The following ZNF148 variants were observed in gnomAD, a reference collection of about 807,000 sequenced individuals.
ZNF148 encodes zinc finger protein 148.
ZNF148 carries 7 observed loss-of-function variants against 67.7 expected under a neutral mutation model. That is an observed-to-expected ratio of 0.10 (90% CI 0.06 to 0.19). ZNF148 has a LOEUF of 0.19. ZNF148 is among the 10% of genes least tolerant of loss of function. The probability of loss-of-function intolerance (pLI) is 1.00; values close to 1 mark genes in which losing one functional copy is unlikely to be tolerated. For synonymous variants in ZNF148, 333 were observed against 330.7 expected (o/e 1.01, Z -0.08); for missense variants, 583 against 947.1 (o/e 0.62, Z 5.05).
intron 7 of ZNF148, among the ~76,000 whole-genome samples, chr3:125,259,534 C>T (rs1230174083): frequency 6.6e-6 from 1 of 152,088 alleles, no homozygotes; most frequent in East Asian, 1.9e-4. Flanking sequence ...CACAATAAAG[C>T]AAGTCACACA....
At chr3:125,287,063 A>C (rs1180166318) in intron 5 of ZNF148, among the ~76,000 whole-genome samples, 1 of 152,212 alleles carries the variant, frequency 6.6e-6, no homozygotes, top group Non-Finnish European at 1.5e-5. Flanking sequence ...TTTGCAAATG[A>C]AATCTTGCAA....
chr3:125,317,767 A>G (rs1018805689), intron 3 of ZNF148, among the ~76,000 whole-genome samples: 7 of 150,392 alleles, frequency 4.7e-5, no homozygotes, highest in African/African-American at 1.7e-4. Flanking sequence ...ATGAAATAAG[A>G]AAGGATCTTC....
chr3:125,261,796 A>T (rs1937351843), intron 7 of ZNF148, among the ~76,000 whole-genome samples: 1 of 149,552 alleles, frequency 6.7e-6, no homozygotes, highest in African/African-American at 2.5e-5. Flanking sequence ...AGGGTGGGGC[A>T]TTCAAAATAA....
intron 2 of ZNF148, among the ~76,000 whole-genome samples, chr3:125,327,056 G>A (rs987050357): frequency 2.0e-5 from 3 of 151,604 alleles, no homozygotes; most frequent in African/African-American, 7.3e-5. Flanking sequence ...AAAGTAAAAG[G>A]ATGGGAAAAA....
Position 125,232,351 on chromosome 3 carries a change from G to A in ZNF148, c.2375C>T (p.Thr792Ile). 1 of 1,571,884 alleles carries A rather than the reference G, an allele frequency of 6.4e-7. No homozygotes were observed. Residue 792 changes from threonine (T) to isoleucine (I), a missense_variant, in exon 9 of 9, where the codon ACT becomes ATT. Thr to Ile is a moderately conservative substitution (Grantham distance 89). Transcript: ENST00000360647. This position sits in a 1 kb window ranked among gnomAD's most constrained non-coding sequence, Gnocchi z 4.2. ...TSSPDATTGQ[T>I]FG is the part of the protein sequence containing the mutation. The stretch of plus-strand genomic sequence containing the variant: ...ACTTTTTTTTTTTTTTTAGCCAAAA[G>A]TCTGGCCAGTTGTGGCATCAGGTGA...
chr3:125,291,277 T>C (rs538285009), intron 4 of ZNF148, among the ~76,000 whole-genome samples: 3 of 152,298 alleles, frequency 2.0e-5, no homozygotes, highest in Admixed American at 6.5e-5. Flanking sequence ...AATAAATGAA[T>C]ATAAAACTAT....
At chr3:125,374,737 G>C (rs1943006895) in intron 1 of ZNF148, among the ~76,000 whole-genome samples, 1 of 151,888 alleles carries the variant, frequency 6.6e-6, no homozygotes, top group Non-Finnish European at 1.5e-5. Flanking sequence ...ACAGAGCCCT[G>C]GTGTCTCCCT....
At chr3:125,356,580 G>A (rs1463712397) in intron 1 of ZNF148, among the ~76,000 whole-genome samples, 1 of 152,116 alleles carries the variant, frequency 6.6e-6, no homozygotes, top group Non-Finnish European at 1.5e-5. Flanking sequence ...AAACTGAGTG[G>A]TGCCTTTACC....
chr3:125,242,702 T>C (rs757001349), intron 7 of ZNF148, among the ~76,000 whole-genome samples: 1 of 152,198 alleles, frequency 6.6e-6, no homozygotes, highest in Non-Finnish European at 1.5e-5. Context: ...TGAGGCAGAA[T>C]GTGAGGTATG....
chr3:125,294,385 G>A (rs1482559637), intron 4 of ZNF148, among the ~76,000 whole-genome samples: 1 of 152,090 alleles, frequency 6.6e-6, no homozygotes, highest in Non-Finnish European at 1.5e-5. Flanking sequence ...TTAAATTCTT[G>A]GTCTTGACAA....
At chr3:125,272,789 G>A (rs1459383956) in intron 7 of ZNF148, among the ~76,000 whole-genome samples, 4 of 151,986 alleles carry the variant, frequency 2.6e-5, no homozygotes, top group Non-Finnish European at 5.9e-5. Context: ...CAGCTTTGCA[G>A]ATAAAAAAAA....
chr3:125,317,423 A>T (rs1940553290), intron 3 of ZNF148, among the ~76,000 whole-genome samples: 6 of 152,114 alleles, frequency 3.9e-5, no homozygotes, highest in Admixed American at 2.6e-4. Flanking sequence ...TTCACCAAAG[A>T]AGTAAGTATA....
At chr3:125,371,385 G>T (rs907439596) in intron 1 of ZNF148, among the ~76,000 whole-genome samples, 12 of 109,006 alleles carry the variant, frequency 1.1e-4, no homozygotes, top group Non-Finnish European at 1.9e-4. Flanking sequence ...GGGGGGGGGG[G>T]GCAGGGCGAA....
intron 7 of ZNF148, among the ~76,000 whole-genome samples, chr3:125,256,343 G>C (rs1233794488): frequency 6.8e-6 from 1 of 146,058 alleles, no homozygotes; most frequent in Non-Finnish European, 1.5e-5. Context: ...AGTCTGGCCT[G>C]GGTCAAAGAG....
rs531443213 is a variant in ZNF148, at chr3:125,352,603, T to C, written c.-233-21365A>G. On this transcript the variant is annotated intron_variant, in intron 1 of 8. Transcript: ENST00000360647. ...GGCTGGAATTTGCTTCAAAATAACA[T>C]GGAAGATCTAAGTAAACGGAGAAAT... Among the ~76,000 whole-genome samples the C allele has an allele frequency of 3.6e-4, 53 of 147,872 alleles. 1 individual carries two copies. Among genetic ancestry groups the C allele is most frequent in the African/African-American group, 1.3e-3 (50 of 39,920 alleles).
chr3:125,253,241 TTTAAG>T (rs1174015237), intron 7 of ZNF148, among the ~76,000 whole-genome samples: 2 of 152,182 alleles, frequency 1.3e-5, no homozygotes, highest in East Asian at 1.9e-4. Flanking sequence ...ATCTGATCCT[TTTAAG>T]TTATTTTAAG....
intron 3 of ZNF148, among the ~76,000 whole-genome samples, chr3:125,318,175 G>A (rs1027484716): frequency 1.3e-5 from 2 of 152,104 alleles, no homozygotes; most frequent in African/African-American, 4.8e-5. Context: ...AAGCTCTCAT[G>A]TGCCTCACTG....
chr3:125,261,736 G>A (rs949684677), intron 7 of ZNF148, among the ~76,000 whole-genome samples: 2 of 151,148 alleles, frequency 1.3e-5, no homozygotes, highest in Non-Finnish European at 2.9e-5. Context: ...CCATGACAGA[G>A]GAAGAATAAA....
At chr3:125,304,252 G>T (rs1318968218) in intron 4 of ZNF148, among the ~76,000 whole-genome samples, 1 of 152,120 alleles carries the variant, frequency 6.6e-6, no homozygotes, top group African/African-American at 2.4e-5. Flanking sequence ...TAGAGGGGCA[G>T]CTCAGCATGA....
Sources: gnomAD v4.1 joint callset for allele counts (sites outside exome capture counted in the v4.1 genomes callset) on GRCh38, gnomAD v4.1.1 for gene constraint, Gnocchi (gnomAD v3.1) non-coding constraint, MANE v1.5 for transcripts, NCBI Gene and HGNC (gene_info 2026-07-23, HGNC 2026-07-21) for gene names.